The following ACKR2 variants were observed in gnomAD, a reference collection of about 807,000 sequenced individuals.
ACKR2 encodes atypical chemokine receptor 2.
For synonymous variants in ACKR2, 207 were observed against 192.2 expected (o/e 1.08, Z -0.64); for missense variants, 457 against 477.3 (o/e 0.96, Z 0.40).
chr3:42,826,050 G>A (rs946882019), intron 2 of ACKR2, among the ~76,000 whole-genome samples: 5 of 151,672 alleles, frequency 3.3e-5, no homozygotes, highest in Non-Finnish European at 5.9e-5. Context: ...TTTGAGTTTC[G>A]GATGTTGAAC....
In ACKR2 at chr3:42,859,754, G is replaced by C. The variant is rs563113428; in HGVS notation, c.-37-4712G>C. The stretch of plus-strand genomic sequence containing the variant: ...GCCAAACTAAGCTTCATGAGTGAAG[G>C]AGAAATAAAATCCTTTACAGACAAG... On this transcript the variant is annotated intron_variant, in intron 2 of 2. Transcript: ENST00000422265. 9.2e-5 allele frequency among the ~76,000 whole-genome samples: 14 copies of C among 152,096 alleles called. No individual in the cohort carries two copies. The East Asian group carries it at 2.7e-3, about 29-fold the overall frequency.
At chr3:42,823,853 T>C (rs867224087) in intron 2 of ACKR2, among the ~76,000 whole-genome samples, 1 of 152,266 alleles carries the variant, frequency 6.6e-6, no homozygotes, top group Non-Finnish European at 1.5e-5. Flanking sequence ...ACACTAAGTA[T>C]ATCACACTGT....
intron 2 of ACKR2, among the ~76,000 whole-genome samples, chr3:42,825,065 A>G (rs1465088203): frequency 1.3e-5 from 2 of 152,114 alleles, no homozygotes; most frequent in Admixed American, 6.5e-5. Context: ...TATTCGATTG[A>G]TCTATATGAC....
intron 2 of ACKR2, among the ~76,000 whole-genome samples, chr3:42,824,362 C>T (rs1700840010): frequency 6.6e-6 from 1 of 152,118 alleles, no homozygotes; most frequent in Non-Finnish European, 1.5e-5. Flanking sequence ...CATATGAATA[C>T]AGAGGGCTGA....
chr3:42,839,590 A>G (rs545338967), intron 2 of ACKR2, among the ~76,000 whole-genome samples: 29 of 152,344 alleles, frequency 1.9e-4, no homozygotes, highest in African/African-American at 5.8e-4. Context: ...ACGACCGGTT[A>G]GCATTTTTAG....
chr3:42,864,678 T>G lies in ACKR2; in HGVS notation c.176T>G (p.Leu59Trp). The change falls in exon 3 of 3, where the codon TTG (leucine) becomes TGG (tryptophan). Residue 59 changes from leucine (L) to tryptophan (W), a missense_variant. By Grantham distance (61) the Leu-to-Trp change is moderately conservative (BLOSUM62 -2). Coordinates refer to ENST00000422265, the MANE Select transcript of ACKR2 (RefSeq NM_001296.5). The stretch of plus-strand genomic sequence containing the variant: ...GTCTTCTATAGCCTGATTTTTGTGT[T>G]GGGCCTCAGCGGGAACCTCCTTCTT... Reference protein sequence around the residue: ...LPVFYSLIFVLGLSGNLLLLM... With the variant: ...LPVFYSLIFVWGLSGNLLLLM... 1 of 1,614,192 alleles carries G rather than the reference T, an allele frequency of 6.2e-7. No individual in the cohort carries two copies. Among genetic ancestry groups the G allele is most frequent in the Non-Finnish European group, 8.5e-7 (1 of 1,180,036 alleles).
At chr3:42,825,580 TGTGTGTGTGTGTGTGTGTGTGC>T (rs1700854179) in intron 2 of ACKR2, among the ~76,000 whole-genome samples, 1 of 143,056 alleles carries the variant, frequency 7.0e-6, no homozygotes, top group Non-Finnish European at 1.5e-5. Context: ...AGCTCTGATG[TGTGTGTGTGTGTGTGTGTGTGC>T]GTGTGTGTGT....
Position 42,842,985 on chromosome 3 carries a change from CA to C in ACKR2, c.-37-21463del, listed in dbSNP as rs199716542. Among the ~76,000 whole-genome samples, 582 of 80,844 alleles carry C rather than the reference CA, an allele frequency of 7.2e-3. 6 individuals carry two copies. Among genetic ancestry groups the C allele is most frequent in the African/African-American group, 8.7e-3 (137 of 15,672 alleles). The allele number at this position is 80,844 out of a possible 152,430, so 53.0% of individuals were successfully genotyped here. On this transcript the variant is annotated intron_variant, in intron 2 of 2. Coordinates refer to ENST00000422265, the MANE Select transcript of ACKR2 (RefSeq NM_001296.5). ...GGGTGACAGAGTAAGACTCTGTCTC[CA>C]AAAAAAAAAAAAAAAAAGAAAGAAA...
intron 2 of ACKR2, among the ~76,000 whole-genome samples, chr3:42,832,622 C>T (rs1052841255): frequency 3.9e-5 from 6 of 152,204 alleles, no homozygotes; most frequent in Non-Finnish European, 8.8e-5. Flanking sequence ...GCATACGGAA[C>T]GCACAGCAAT....
chr3:42,854,960 G>A (rs1253419743), intron 2 of ACKR2, among the ~76,000 whole-genome samples: 1 of 151,330 alleles, frequency 6.6e-6, no homozygotes. Context: ...GGGTTCAAGT[G>A]ATTCTCCTAC....
chr3:42,864,937 G>A lies in ACKR2; in HGVS notation c.435G>A (p.Glu145=), dbSNP rs771084789. ...ISCMSLDKYL[E]IVHAQPYHRL... ...GCATGAGCCTGGACAAGTACCTGGAGATCGTTCATGCTCAGCCCTACCACA... is the reference window on the plus strand; with the variant it reads ...GCATGAGCCTGGACAAGTACCTGGAAATCGTTCATGCTCAGCCCTACCACA... Residue 145 remains glutamate (E), a synonymous_variant, in exon 3 of 3, where the codon GAG becomes GAA. Transcript: ENST00000422265. 59 of 1,614,142 alleles carry A rather than the reference G, an allele frequency of 3.7e-5. No individual in the cohort carries two copies. In the Admixed American group the frequency reaches 9.8e-4, roughly 27 times the overall value.
rs1285612563 is a variant in ACKR2 at position 42,832,120 on chromosome 3, C to A, written c.-38+12409C>A. Among the ~76,000 whole-genome samples, 4 of 152,082 alleles carry A rather than the reference C, an allele frequency of 2.6e-5. No individual in the cohort carries two copies. The East Asian group carries it at 7.7e-4, about 29-fold the overall frequency. On this transcript the variant is annotated intron_variant, in intron 2 of 2. Transcript: ENST00000422265. ...ATGACCCTCCCCTTTCCTCTAGTGG[C>A]AACTGCACCAAGAACAGCCTAATAC...
At chr3:42,828,092 A>ATATATATATTTTTTTT (rs1193533555) in intron 2 of ACKR2, among the ~76,000 whole-genome samples, 7 of 121,902 alleles carry the variant, frequency 5.7e-5, no homozygotes, top group African/African-American at 9.7e-5. Context: ...ATATATATAT[A>ATATATATATTTTTTTT]TTTTTTTTTT....
intron 2 of ACKR2, among the ~76,000 whole-genome samples, chr3:42,823,435 A>G (rs1198727110): frequency 6.6e-6 from 1 of 152,140 alleles, no homozygotes; most frequent in Non-Finnish European, 1.5e-5. Flanking sequence ...CCTTCATTCT[A>G]TAATTTATTC....
chr3:42,865,717 A>G lies in ACKR2; in HGVS notation c.*60A>G. On this transcript the variant is annotated 3_prime_UTR_variant, in exon 3 of 3. Coordinates refer to ENST00000422265, the MANE Select transcript of ACKR2 (RefSeq NM_001296.5). ...AACCAGCTCAATTGGGTGTCCACTC[A>G]AAGTGCTCTCTCCAGGGGCCTCAGT... is the stretch of plus-strand genomic sequence containing the variant. The G allele has an allele frequency of 7.2e-7, 1 of 1,388,142 alleles. No individual in the cohort carries two copies. Among genetic ancestry groups the G allele is most frequent in the Non-Finnish European group, 9.9e-7 (1 of 1,006,452 alleles). The allele number at this position is 1,388,142 out of a possible 1,614,324, so 86.0% of individuals were successfully genotyped here.
chr3:42,842,985 CAAAAA>C (rs199716542), intron 2 of ACKR2, among the ~76,000 whole-genome samples: 7 of 80,828 alleles, frequency 8.7e-5, no homozygotes, highest in Admixed American at 1.1e-4. Flanking sequence ...ACTCTGTCTC[CAAAAA>C]AAAAAAAAAA....
intron 2 of ACKR2, among the ~76,000 whole-genome samples, chr3:42,860,186 A>AAAAAAAAAAAAAAAAC (rs1253622421): frequency 6.9e-6 from 1 of 145,736 alleles, no homozygotes; most frequent in Non-Finnish European, 1.5e-5. Context: ...AAAAAAAAAA[A>AAAAAAAAAAAAAAAAC]AAAGCAGGGG....
intron 2 of ACKR2, among the ~76,000 whole-genome samples, chr3:42,828,092 A>ATATTTTT (rs1193533555): frequency 0.015 from 1,862 of 121,756 alleles, 26 homozygotes; most frequent in African/African-American, 0.026. Flanking sequence ...ATATATATAT[A>ATATTTTT]TTTTTTTTTT....
At chr3:42,846,148 T>C (rs1701093024) in intron 2 of ACKR2, among the ~76,000 whole-genome samples, 1 of 152,112 alleles carries the variant, frequency 6.6e-6, no homozygotes, top group Non-Finnish European at 1.5e-5. Context: ...CAGTGTCCTG[T>C]CCAGCCCAAG....
Sources: gnomAD v4.1 joint callset for allele counts (sites outside exome capture counted in the v4.1 genomes callset) on GRCh38, gnomAD v4.1.1 for gene constraint, MANE v1.5 for transcripts, NCBI Gene and HGNC (gene_info 2026-07-23, HGNC 2026-07-21) for gene names.